Variants in NECTIN3 observed in about 807,000 individuals in gnomAD.
The protein encoded by NECTIN3 is nectin cell adhesion molecule 3, also known as nectin-3.
NECTIN3 carries 8 observed loss-of-function variants against 49.4 expected under a neutral mutation model. That is an observed-to-expected ratio of 0.16 (90% CI 0.10 to 0.29). The LOEUF (loss-of-function observed/expected upper bound fraction) is 0.29. Ranked by LOEUF, NECTIN3 falls within the 10% of genes least tolerant of loss-of-function variation. The pLI is 1.00. For missense variants in NECTIN3, 581 were observed against 654.6 expected, an observed-to-expected ratio of 0.89 and a Z score of 1.23; for synonymous variants, 277 against 241.1, an observed-to-expected ratio of 1.15 and a Z score of -1.38.
At chr3:111,094,058 A>G (rs987864881) in intron 1 of NECTIN3, among the ~76,000 whole-genome samples, 14 of 152,002 alleles carry the variant, frequency 9.2e-5, no homozygotes, top group Non-Finnish European at 2.1e-4. Flanking sequence ...TGATTTTATT[A>G]AGGAAAGGAA....
chr3:111,083,226 GGAAA>G (rs2031732115), intron 1 of NECTIN3, among the ~76,000 whole-genome samples: 1 of 152,042 alleles, frequency 6.6e-6, no homozygotes, highest in African/African-American at 2.4e-5. Context: ...ACAACTCTTG[GGAAA>G]GAAAGGAAAG....
chr3:111,149,016 T>G (rs1232572326), intron 7 of NECTIN3, among the ~76,000 whole-genome samples: 1 of 152,196 alleles, frequency 6.6e-6, no homozygotes, highest in Non-Finnish European at 1.5e-5. Flanking sequence ...CATTTTAATC[T>G]GAAACTTTAT....
At chr3:111,148,578 T>TG (rs2034932020) in intron 7 of NECTIN3, among the ~76,000 whole-genome samples, 1 of 152,234 alleles carries the variant, frequency 6.6e-6, no homozygotes, top group Non-Finnish European at 1.5e-5. Context: ...GGTTTTGGTC[T>TG]GGATTTGTTT....
chr3:111,179,274 A>G (rs980783054), intron 7 of NECTIN3, among the ~76,000 whole-genome samples: 6 of 152,156 alleles, frequency 3.9e-5, no homozygotes, highest in Admixed American at 3.9e-4. Flanking sequence ...GAACCATCTC[A>G]GACCTATCCC....
At chr3:111,171,920 A>T (rs762052613) in intron 7 of NECTIN3, among the ~76,000 whole-genome samples, 12 of 152,238 alleles carry the variant, frequency 7.9e-5, no homozygotes, top group Non-Finnish European at 1.6e-4. Context: ...ATAAAGAAAC[A>T]TTGAGGCATT....
chr3:111,124,180 T>C (rs1002369385), intron 4 of NECTIN3, among the ~76,000 whole-genome samples: 1 of 152,182 alleles, frequency 6.6e-6, no homozygotes, highest in Non-Finnish European at 1.5e-5. Flanking sequence ...TTTTATTTGA[T>C]AGAGTGTTTC....
downstream of NECTIN3, among the ~76,000 whole-genome samples, chr3:111,138,673 T>G (rs1489652003): frequency 1.3e-5 from 2 of 151,712 alleles, no homozygotes; most frequent in African/African-American, 4.8e-5. Flanking sequence ...TTGTTTCATT[T>G]GCCTTTTAAT....
At chr3:111,149,059 C>A (rs2034943506) in intron 7 of NECTIN3, among the ~76,000 whole-genome samples, 1 of 151,916 alleles carries the variant, frequency 6.6e-6, no homozygotes, top group African/African-American at 2.4e-5. Flanking sequence ...ACCCATTTTT[C>A]CCAATGGGAT....
At chr3:111,090,162 A>G (rs1363675735) in intron 1 of NECTIN3, among the ~76,000 whole-genome samples, 1 of 152,092 alleles carries the variant, frequency 6.6e-6, no homozygotes, top group African/African-American at 2.4e-5. Flanking sequence ...TGTAAGCAGC[A>G]GATATATTTT....
chr3:111,121,126 C>G (rs2033934071), intron 3 of NECTIN3, among the ~76,000 whole-genome samples: 1 of 150,974 alleles, frequency 6.6e-6, no homozygotes, highest in South Asian at 2.1e-4. Flanking sequence ...CCTCAGCCTC[C>G]CGAGTGGCTG....
rs985800853 is a variant in NECTIN3 at position 111,137,259 on chromosome 3, T to G, written c.*3044T>G. 4.2e-6 allele frequency: 4 copies of G among 945,966 alleles called. No individual in the cohort carries two copies. The African/African-American group carries it at 7.1e-5, about 17-fold the overall frequency. 58.6% of individuals were successfully genotyped at this position (945,966 alleles called of 1,614,324 possible). A position where few individuals can be genotyped will look rare whatever the true frequency, so the allele number is the denominator to read the frequency against. On this transcript the variant is annotated 3_prime_UTR_variant, in exon 6 of 6. Coordinates refer to ENST00000485303, the MANE Select transcript of NECTIN3 (RefSeq NM_015480.3). ...TAAGAAAGGAATAAATGGTACCCATTTTGAATTTTTAATTCTAATAGGAGA... is the reference window on the plus strand; with the variant it reads ...TAAGAAAGGAATAAATGGTACCCATGTTGAATTTTTAATTCTAATAGGAGA...
intron 1 of NECTIN3, among the ~76,000 whole-genome samples, chr3:111,108,041 A>G (rs967566075): frequency 1.3e-5 from 2 of 152,172 alleles, no homozygotes; most frequent in African/African-American, 4.8e-5. Context: ...AATCAAACAA[A>G]AAACACAGCA....
chr3:111,145,040 A>G (rs1189581081), intron 6 of NECTIN3: 2 of 1,535,948 alleles, frequency 1.3e-6, no homozygotes, highest in Admixed American at 2.0e-5. Flanking sequence ...GACAAAGTGT[A>G]GGTAACTTTT....
intron 2 of NECTIN3, among the ~76,000 whole-genome samples, chr3:111,114,325 A>T (rs1019330389): frequency 1.3e-5 from 2 of 151,952 alleles, no homozygotes; most frequent in East Asian, 3.9e-4. Flanking sequence ...CTTCCGTGTA[A>T]CTATTATTCA....
intron 6 of NECTIN3, chr3:111,145,064 A>G (rs748976610): frequency 2.4e-5 from 36 of 1,524,022 alleles, no homozygotes; most frequent in African/African-American, 1.1e-4. Context: ...CCTTTGTTCA[A>G]CTATGAATAT....
chr3:111,185,982 C>CT (rs1156668818), intron 7 of NECTIN3, among the ~76,000 whole-genome samples: 1 of 152,024 alleles, frequency 6.6e-6, no homozygotes, highest in Admixed American at 6.6e-5. Flanking sequence ...TAATTTGTTC[C>CT]TTTTTTCTAA....
At chr3:111,125,656 C>T (rs2034135282) in intron 4 of NECTIN3, among the ~76,000 whole-genome samples, 1 of 152,150 alleles carries the variant, frequency 6.6e-6, no homozygotes. Context: ...ACCCATTTTG[C>T]TGTTTTAGAA....
intron 7 of NECTIN3, among the ~76,000 whole-genome samples, chr3:111,173,180 A>G (rs2035465006): frequency 6.6e-6 from 1 of 152,192 alleles, no homozygotes. Context: ...TTAATACAAG[A>G]TGCTTCATCT....
chr3:111,087,735 G>C (rs995317708), intron 1 of NECTIN3, among the ~76,000 whole-genome samples: 1 of 150,872 alleles, frequency 6.6e-6, no homozygotes, highest in African/African-American at 2.4e-5. Context: ...GTCTTGTTCT[G>C]TTGCCCAGGC....
Sources: allele counts gnomAD v4.1 joint callset (sites outside exome capture counted in the v4.1 genomes callset), GRCh38; gene constraint gnomAD v4.1.1; transcripts MANE v1.5; gene names NCBI Gene and HGNC (gene_info 2026-07-23, HGNC 2026-07-21).